Variants in RNF220 observed in about 807,000 individuals in gnomAD.
The protein encoded by RNF220 is E3 ubiquitin-protein ligase RNF220.
Under a neutral mutation model 67.1 loss-of-function variants are expected in RNF220, and 7 were observed. That is an observed-to-expected ratio of 0.10 (90% CI 0.06 to 0.20). RNF220 has a LOEUF of 0.20. Ranked by LOEUF, RNF220 falls within the 10% of genes least tolerant of loss-of-function variation. The probability of loss-of-function intolerance (pLI) is 1.00; values close to 1 mark genes in which losing one functional copy is unlikely to be tolerated. For missense variants in RNF220, 565 were observed against 740.3 expected, an observed-to-expected ratio of 0.76 and a Z score of 2.75; for synonymous variants, 270 against 283.2, an observed-to-expected ratio of 0.95 and a Z score of 0.47.
rs7556636 is a variant in RNF220, at chr1:44,538,787, G to A, written c.626-75378G>A. ...AAAAATTAGCTGGGCGTGGTGGCAG[G>A]CACCTGTCATCCCAGCTACTCGGGA... On this transcript the variant is annotated intron_variant, in intron 2 of 14. Transcript: ENST00000361799. Among the ~76,000 whole-genome samples, 1,165 of 151,798 alleles carry A rather than the reference G, an allele frequency of 7.7e-3. 12 individuals carry two copies. The highest frequency in any genetic ancestry group is 0.027 in the African/African-American group (1,109 of 41,342).
chr1:44,639,048 G>A (rs866392142), intron 8 of RNF220, among the ~76,000 whole-genome samples: 9 of 152,190 alleles, frequency 5.9e-5, no homozygotes, highest in African/African-American at 1.9e-4. Flanking sequence ...AGCCTAGTGC[G>A]CCACCAACAT....
At chr1:44,546,077 G>A (rs907235772) in intron 2 of RNF220, among the ~76,000 whole-genome samples, 2 of 152,144 alleles carry the variant, frequency 1.3e-5, no homozygotes, top group Admixed American at 1.3e-4. Context: ...GAACCAAAGT[G>A]GGTAGAAGGT....
At chr1:44,410,868 T>C (rs555095750) in intron 1 of RNF220, among the ~76,000 whole-genome samples, 1 of 152,226 alleles carries the variant, frequency 6.6e-6, no homozygotes, top group East Asian at 1.9e-4. Context: ...CGGCTTTTGA[T>C]ATATAGCCCT....
chr1:44,647,544 A>C (rs1377723112), intron 12 of RNF220, among the ~76,000 whole-genome samples: 1 of 152,178 alleles, frequency 6.6e-6, no homozygotes, highest in Admixed American at 6.5e-5. Context: ...GCATCCCTGG[A>C]AAGAGGCAAG....
intron 2 of RNF220, 133 bp from the exon 3 acceptor site, chr1:44,614,032 A>G (rs561046556): frequency 1.7e-6 from 2 of 1,186,844 alleles, no homozygotes; most frequent in South Asian, 1.6e-5. Context: ...GGGCTCTGAA[A>G]CCCTCAGGCC....
intron 2 of RNF220, among the ~76,000 whole-genome samples, chr1:44,426,875 G>C (rs1434502604): frequency 1.3e-5 from 2 of 152,072 alleles, no homozygotes; most frequent in Non-Finnish European, 1.5e-5. Context: ...AAGTTCCCAG[G>C]GGTCCTGTTC....
At chr1:44,637,109 C>T (rs772955661) in intron 8 of RNF220, among the ~76,000 whole-genome samples, 3 of 152,234 alleles carry the variant, frequency 2.0e-5, no homozygotes, top group Non-Finnish European at 4.4e-5. Flanking sequence ...TGTATGGTCC[C>T]TGGGGAATCT....
intron 2 of RNF220, among the ~76,000 whole-genome samples, chr1:44,453,983 T>C (rs1652929748): frequency 6.6e-6 from 1 of 152,342 alleles, no homozygotes; most frequent in Non-Finnish European, 1.5e-5. Flanking sequence ...CATCATCACA[T>C]GGCATTCCAT....
chr1:44,438,418 C>T (rs1337230069), intron 2 of RNF220, among the ~76,000 whole-genome samples: 1 of 152,178 alleles, frequency 6.6e-6, no homozygotes. Context: ...CCACTGTGTC[C>T]GGTCTGTACT....
At chr1:44,554,507 C>T (rs1662915434) in intron 2 of RNF220, among the ~76,000 whole-genome samples, 2 of 152,126 alleles carry the variant, frequency 1.3e-5, no homozygotes, top group African/African-American at 4.8e-5. Context: ...ATAAAGCTCT[C>T]TGTCCTGGAG....
chr1:44,485,639 C>G (rs889311929), intron 2 of RNF220, among the ~76,000 whole-genome samples: 1 of 152,198 alleles, frequency 6.6e-6, no homozygotes, highest in African/African-American at 2.4e-5. Flanking sequence ...ACTGCGGTGA[C>G]TCTCCATGCT....
intron 1 of RNF220, among the ~76,000 whole-genome samples, chr1:44,411,365 A>G (rs998711132): frequency 6.6e-6 from 1 of 152,156 alleles, no homozygotes; most frequent in African/African-American, 2.4e-5. Context: ...TTTTTTCTGG[A>G]AACAGTCTTA....
rs1481613286 is a variant in RNF220 at position 44,412,889 on chromosome 1, A to G, written c.625+167A>G. Among the ~76,000 whole-genome samples, 1 of 152,176 alleles carries G rather than the reference A, an allele frequency of 6.6e-6. No individual in the cohort carries two copies. The highest frequency in any genetic ancestry group is 1.5e-5 in the Non-Finnish European group (1 of 68,026). Reference sequence around the variant, plus strand: ...CTTTGCTTGTCTCTTATCAGTGAGCACTGATAGTTCTTGAAATATTTTTCT... The same window carrying G: ...CTTTGCTTGTCTCTTATCAGTGAGCGCTGATAGTTCTTGAAATATTTTTCT... On this transcript the variant is annotated intron_variant, in intron 2 of 14. Coordinates refer to ENST00000361799, the MANE Select transcript of RNF220 (RefSeq NM_018150.4). This position sits in a 1 kb window ranked among gnomAD's most constrained non-coding sequence, Gnocchi z 5.3.
At chr1:44,506,654 C>T (rs1311005728) in intron 2 of RNF220, among the ~76,000 whole-genome samples, 3 of 152,352 alleles carry the variant, frequency 2.0e-5, no homozygotes, top group African/African-American at 2.4e-5. Context: ...CCAAAACGGG[C>T]GCTCTGACTG....
chr1:44,597,262 G>C (rs17387066), intron 2 of RNF220, among the ~76,000 whole-genome samples: 1 of 151,920 alleles, frequency 6.6e-6, no homozygotes, highest in Non-Finnish European at 1.5e-5. Context: ...CAGATGCTCC[G>C]TAATAATTTG....
At chr1:44,475,551 A>G (rs1655221383) in intron 2 of RNF220, among the ~76,000 whole-genome samples, 1 of 139,030 alleles carries the variant, frequency 7.2e-6, no homozygotes, top group African/African-American at 2.9e-5. Context: ...GCCTGGCAAC[A>G]GTGTGAGACT....
At chr1:44,422,687 A>G (rs538193662) in intron 2 of RNF220, among the ~76,000 whole-genome samples, 1 of 152,338 alleles carries the variant, frequency 6.6e-6, no homozygotes, top group East Asian at 1.9e-4. Flanking sequence ...TGGCCAGAAT[A>G]GCTCTCAGGC....
rs1314216118 is a variant in RNF220 at position 44,644,733 on chromosome 1, C to G, written c.1162C>G (p.Pro388Ala). 1.2e-6 allele frequency: 2 copies of G among 1,614,122 alleles called. No individual in the cohort carries two copies. Among genetic ancestry groups the G allele is most frequent in the Admixed American group, 3.3e-5 (2 of 60,026 alleles). The change falls in exon 9 of 15, where the codon CCG becomes GCG. Residue 388 changes from proline (P) to alanine (A), a missense_variant. Transcript: ENST00000361799. ...GFIMCSGKEN[P>A]DSDADLDVDG... Reference sequence around the variant, plus strand: ...CATCATGTGCAGCGGCAAAGAGAACCCGGACAGTGATGCTGACTTGGATGT... The same window carrying G: ...CATCATGTGCAGCGGCAAAGAGAACGCGGACAGTGATGCTGACTTGGATGT...
rs564824801 is a variant in RNF220, at chr1:44,632,114, G to A, written c.907-229G>A. ...GAGGCCAGGGCTGGGGCGGCACCGC[G>A]CAGCGGCCACGGGGTCCCGTTAGAG... On this transcript the variant is annotated intron_variant, in intron 5 of 14. Transcript: ENST00000361799. 2.2e-5 allele frequency: 33 copies of A among 1,481,320 alleles called. No homozygotes were observed. The African/African-American group carries it at 4.1e-4, about 18-fold the overall frequency. 91.8% of individuals were successfully genotyped at this position (1,481,320 alleles called of 1,614,324 possible). A position where few individuals can be genotyped will look rare whatever the true frequency, so the allele number is the denominator to read the frequency against.
Sources: allele counts gnomAD v4.1 joint callset (sites outside exome capture counted in the v4.1 genomes callset), GRCh38; gene constraint gnomAD v4.1.1; non-coding constraint Gnocchi (gnomAD v3.1); transcripts MANE v1.5; gene names NCBI Gene and HGNC (gene_info 2026-07-23, HGNC 2026-07-21).